GRID2: variants seen among roughly 807,000 people sequenced by gnomAD.
GRID2 encodes glutamate ionotropic receptor delta type subunit 2, also known as glutamate receptor ionotropic, delta-2.
Under a neutral mutation model 114.8 loss-of-function variants are expected in GRID2, and 33 were observed. The observed-to-expected ratio is 0.29, with a 90% CI of 0.22 to 0.38. The LOEUF (loss-of-function observed/expected upper bound fraction) is 0.38, where lower values mean the gene tolerates loss of function less well. GRID2 is among the 10% of genes least tolerant of loss of function. The pLI is 1.00. For missense variants in GRID2, 1,184 were observed against 1,257.7 expected (o/e 0.94, Z 0.89); for synonymous variants, 505 against 449.9 (o/e 1.12, Z -1.55).
chr4:93,223,125 T>A (rs1272003443), intron 6 of GRID2, among the ~76,000 whole-genome samples: 1 of 152,148 alleles, frequency 6.6e-6, no homozygotes, highest in East Asian at 1.9e-4. Flanking sequence ...CTTTACTGCC[T>A]AATTCCAACC....
At chr4:92,336,081 G>A (rs768958810) in intron 1 of GRID2, among the ~76,000 whole-genome samples, 4 of 152,184 alleles carry the variant, frequency 2.6e-5, no homozygotes, top group South Asian at 4.1e-4. Context: ...ACAAATATTT[G>A]CGGTAATGTC....
At chr4:93,210,046 G>C (rs539517779) in intron 5 of GRID2, among the ~76,000 whole-genome samples, 3 of 152,192 alleles carry the variant, frequency 2.0e-5, no homozygotes, top group Admixed American at 6.5e-5. Flanking sequence ...CTCCCATTCT[G>C]TAGGTTGTTC....
chr4:93,491,864 C>G (rs571797820), intron 12 of GRID2, among the ~76,000 whole-genome samples: 1 of 151,924 alleles, frequency 6.6e-6, no homozygotes, highest in East Asian at 1.9e-4. Context: ...TCTATTTGCT[C>G]ATTATACAAA....
intron 2 of GRID2, among the ~76,000 whole-genome samples, chr4:92,678,502 A>G (rs374290519): frequency 1.9e-4 from 29 of 152,202 alleles, no homozygotes; most frequent in African/African-American, 6.7e-4. Flanking sequence ...AAGTAATTCA[A>G]TACGTTAGTC....
chr4:92,413,010 T>G (rs1301502007), intron 1 of GRID2, among the ~76,000 whole-genome samples: 1 of 152,248 alleles, frequency 6.6e-6, no homozygotes, highest in Non-Finnish European at 1.5e-5. Flanking sequence ...TATTTGTGTT[T>G]ATTACATTGT....
chr4:93,222,857 C>T (rs1451218056), intron 6 of GRID2, among the ~76,000 whole-genome samples: 1 of 152,048 alleles, frequency 6.6e-6, no homozygotes, highest in Non-Finnish European at 1.5e-5. Context: ...TCTAAAGACA[C>T]ATGCACACGT....
rs140289481 is a variant in GRID2 at position 93,713,459 on chromosome 4, G to A, written c.2361-55751G>A. Among the ~76,000 whole-genome samples, 1,142 of 147,004 alleles carry A rather than the reference G, an allele frequency of 7.8e-3. 14 individuals carry two copies. Among genetic ancestry groups the A allele is most frequent in the African/African-American group, 0.029 (1,094 of 37,192 alleles). The stretch of plus-strand genomic sequence containing the variant: ...TTTATTTATTTATTTATTTATTTAT[G>A]CATTCAAATATTTAATGAGTGCTTA... On this transcript the variant is annotated intron_variant, in intron 14 of 15. Coordinates refer to ENST00000282020, the MANE Select transcript of GRID2 (RefSeq NM_001510.4).
chr4:92,691,279 C>T (rs1386430931), intron 2 of GRID2, among the ~76,000 whole-genome samples: 1 of 152,004 alleles, frequency 6.6e-6, no homozygotes, highest in East Asian at 1.9e-4. Context: ...TCATACATTT[C>T]TTTATATGTA....
At chr4:92,940,795 C>G (rs1751056628) in intron 2 of GRID2, among the ~76,000 whole-genome samples, 1 of 152,084 alleles carries the variant, frequency 6.6e-6, no homozygotes. Flanking sequence ...TGAATTTTGT[C>G]AAAGGCCTTT....
At chr4:92,439,209 A>T (rs563737567) in intron 1 of GRID2, among the ~76,000 whole-genome samples, 7 of 152,000 alleles carry the variant, frequency 4.6e-5, no homozygotes, top group Non-Finnish European at 8.8e-5. Flanking sequence ...CAGGAAAAGG[A>T]CTTTCACAAG....
chr4:93,085,300 T>G, intron 3 of GRID2, 21 bp downstream of exon 3: 1 of 1,579,216 alleles, frequency 6.3e-7, no homozygotes, highest in Non-Finnish European at 8.7e-7. Flanking sequence ...ATAATTTGTT[T>G]AGGTTTTGTA....
At chr4:93,780,773 G>A (rs1734463618) in intron 1 of GRID2, among the ~76,000 whole-genome samples, 2 of 152,166 alleles carry the variant, frequency 1.3e-5, no homozygotes, top group Admixed American at 1.3e-4. Context: ...AGTGGCAGTG[G>A]GGAAACCACT....
intron 1 of GRID2, among the ~76,000 whole-genome samples, chr4:92,329,966 A>T (rs1211238760): frequency 6.8e-6 from 1 of 146,790 alleles, no homozygotes; most frequent in African/African-American, 2.5e-5. Flanking sequence ...AAGAGAAAGG[A>T]GAAAAAGGAA....
intron 1 of GRID2, among the ~76,000 whole-genome samples, chr4:92,409,291 T>G (rs1731181374): frequency 6.6e-6 from 1 of 152,078 alleles, no homozygotes; most frequent in Admixed American, 6.6e-5. Flanking sequence ...TTCCCTTATT[T>G]CCCTCATTAC....
intron 2 of GRID2, among the ~76,000 whole-genome samples, chr4:92,944,906 A>T (rs895440761): frequency 6.6e-6 from 1 of 152,180 alleles, no homozygotes; most frequent in African/African-American, 2.4e-5. Flanking sequence ...TTCTGATTAT[A>T]GAACAGTTAT....
At chr4:92,652,569 C>A (rs1402231320) in intron 2 of GRID2, among the ~76,000 whole-genome samples, 1 of 151,326 alleles carries the variant, frequency 6.6e-6, no homozygotes, top group Non-Finnish European at 1.5e-5. Flanking sequence ...GTAGTCTCAG[C>A]TACCCAGGAG....
intron 10 of GRID2, among the ~76,000 whole-genome samples, chr4:93,424,352 G>T (rs1475674583): frequency 1.3e-5 from 2 of 152,172 alleles, no homozygotes; most frequent in Non-Finnish European, 2.9e-5. Context: ...AGAGTGTCTT[G>T]AAGTGCAGGG....
chr4:93,564,211 T>G (rs971587745), intron 13 of GRID2, among the ~76,000 whole-genome samples: 5 of 152,048 alleles, frequency 3.3e-5, no homozygotes, highest in African/African-American at 1.2e-4. Context: ...TGTCAAAGTC[T>G]GAACTTCCCT....
At chr4:93,540,189 C>G (rs1056926553) in intron 13 of GRID2, among the ~76,000 whole-genome samples, 3 of 151,818 alleles carry the variant, frequency 2.0e-5, no homozygotes, top group Admixed American at 6.6e-5. Context: ...ACTTTATTGT[C>G]CTTTGAATGT....
Sources: allele counts gnomAD v4.1 joint callset (sites outside exome capture counted in the v4.1 genomes callset), GRCh38; gene constraint gnomAD v4.1.1; transcripts MANE v1.5; gene names NCBI Gene and HGNC (gene_info 2026-07-23, HGNC 2026-07-21).